Variants in PRB2 observed in about 807,000 individuals in gnomAD.
PRB2 encodes the protein basic salivary proline-rich protein 2.
A neutral mutation model predicts 8.3 loss-of-function variants in PRB2; 12 were observed. The ratio of observed to expected loss-of-function variants is 1.45; its 90% CI spans 0.93 to 2.35. PRB2 has a LOEUF of 2.35. Among genes scored for constraint, PRB2 ranks in the 30% most tolerant of loss-of-function variants. The pLI, the probability that PRB2 is intolerant of heterozygous loss-of-function variation, is 0.00. For synonymous variants in PRB2, 146 were observed against 180.0 expected (o/e 0.81, Z 1.51); for missense variants, 470 against 507.0 (o/e 0.93, Z 0.70).
intron 3 of PRB2, 42 bp from the exon 4 acceptor site, chr12:11,391,690 A>C (rs113580100): frequency 7.2e-6 from 3 of 415,884 alleles, no homozygotes; most frequent in Non-Finnish European, 1.4e-5. Flanking sequence ...CAGACTTGAC[A>C]TGGCAGGAAA....
Position 11,392,985 on chromosome 12 carries a change from T to A in PRB2, c.1093A>T (p.Lys365Ter), listed in dbSNP as rs200138685. 2.2e-4 allele frequency: 352 copies of A among 1,612,650 alleles called. 3 individuals carry two copies. The African/African-American group carries it at 3.7e-3, about 17-fold the overall frequency. Reference protein sequence around the residue: ...KSRSARSPPGKPQGPPQQEGN... With the variant: ...KSRSARSPPG ...TCTTGTTGGGGTGGTCCTTGTGGCT[T>A]TCCTGGAGGAGATCGGGCACTTCGG... is the stretch of plus-strand genomic sequence containing the variant. The change falls in exon 3 of 4, where the codon AAG (lysine) becomes TAG (stop). Residue 365 changes from lysine (K) to a stop codon, truncating the protein, a stop_gained. Coordinates refer to ENST00000389362, the MANE Select transcript of PRB2 (RefSeq NM_006248.4). LOFTEE classifies it low-confidence loss of function (END_TRUNC).
At chr12:11,394,246 C>G (rs1166376568) in intron 2 of PRB2, among the ~76,000 whole-genome samples, 2 of 152,130 alleles carry the variant, frequency 1.3e-5, no homozygotes, top group African/African-American at 2.4e-5. Context: ...TCCCAGCAGG[C>G]ACTCCTGGCC....
chr12:11,391,798 T>G, intron 3 of PRB2, 150 bp from the exon 4 acceptor site: 1 of 225,944 alleles, frequency 4.4e-6, no homozygotes, highest in South Asian at 5.3e-5. Flanking sequence ...CCCTAATTTT[T>G]TGTGTGTTCA....
intron 2 of PRB2, among the ~76,000 whole-genome samples, chr12:11,394,276 C>T (rs1864373013): frequency 6.6e-6 from 1 of 152,156 alleles, no homozygotes; most frequent in Admixed American, 6.5e-5. Flanking sequence ...AGGTAACCCA[C>T]TCCTGCTGTC....
intron 1 of PRB2, among the ~76,000 whole-genome samples, chr12:11,394,802 A>C (rs149943781): frequency 0.019 from 2,911 of 152,108 alleles, 78 homozygotes; most frequent in African/African-American, 0.06. Context: ...TTAGTTCACA[A>C]ATGCCAGGTA....
chr12:11,391,985 A>G (rs1212722761), intron 3 of PRB2, among the ~76,000 whole-genome samples: 3 of 100,324 alleles, frequency 3.0e-5, no homozygotes, highest in African/African-American at 1.3e-4. Context: ...CTCAGTGTCC[A>G]GTGACACAGA....
In PRB2 at chr12:11,393,452, C is replaced by A; in HGVS notation, c.626G>T (p.Gly209Val). The change falls in exon 3 of 4, where the codon GGC (glycine) becomes GTC (valine). Residue 209 changes from glycine to valine, a missense_variant. This residue lies in a region of PRB2 where 37 missense variants were observed against 66.0 expected (regional missense o/e 0.56). Transcript: ENST00000389362. ...AGGTGGGGGACCTTGAGGTTTGTTG[C>A]CTCCTTGTGGGGGTGGTCCTTGTGG... ...GKPQGPPPQG[G>V]NKPQGPPPPG... 3.5e-6 allele frequency: 4 copies of A among 1,142,214 alleles called. No homozygotes were observed. In the East Asian group the frequency reaches 1.3e-4, roughly 37 times the overall value. 70.8% of individuals were successfully genotyped at this position (1,142,214 alleles called of 1,614,324 possible).
Position 11,393,641 on chromosome 12 carries a change from C to T in PRB2, c.437G>A (p.Gly146Glu), listed in dbSNP as rs776361906. 3.5e-5 allele frequency: 53 copies of T among 1,530,686 alleles called. No homozygotes were observed. The highest frequency in any genetic ancestry group is 4.2e-5 in the Non-Finnish European group (48 of 1,145,332). The allele number at this position is 1,530,686 out of a possible 1,614,324, so 94.8% of individuals were successfully genotyped here. Residue 146 changes from glycine to glutamate, a missense_variant, in exon 3 of 4, where the codon GGA (glycine) becomes GAA (glutamate). By Grantham distance (98) the Gly-to-Glu change is moderately conservative. Transcript: ENST00000389362. ...PGKPQGPPPQ[G>E]GNKPQGPPPP... ...TGGGGGACCTTGAGGTTTGTTGCCT[C>T]CTTGTGGGGGTGGTCCTTGTGGCTT...
intron 3 of PRB2, 70 bp from the exon 4 acceptor site, chr12:11,391,718 G>A (rs1864329093): frequency 2.5e-6 from 1 of 396,184 alleles, no homozygotes; most frequent in Non-Finnish European, 5.0e-6. Flanking sequence ...TTCCTCACTG[G>A]TCTTACTGCA....
chr12:11,393,616 TG>T lies in PRB2; in HGVS notation c.461del (p.Pro154HisfsTer277), dbSNP rs1864356571. ...GTGGTCCTTGTGGCTTTCCTGGAGG[TG>T]GGGGACCTTGAGGTTTGTTGCCTCC... is the stretch of plus-strand genomic sequence containing the variant. ...PQGGNKPQGP[P>X]PPGKPQGPPP... is the part of the protein sequence containing the mutation. On this transcript the variant is annotated frameshift_variant, in exon 3 of 4. Coordinates refer to ENST00000389362, the MANE Select transcript of PRB2 (RefSeq NM_006248.4). LOFTEE classifies it low-confidence loss of function (END_TRUNC). The T allele has an allele frequency of 7.4e-7, 1 of 1,356,556 alleles. No homozygotes were observed. Among genetic ancestry groups the T allele is most frequent in the Non-Finnish European group, 9.6e-7 (1 of 1,040,754 alleles). 84.0% of individuals were successfully genotyped at this position (1,356,556 alleles called of 1,614,324 possible).
At chr12:11,394,881 C>A (rs1454755982) in intron 1 of PRB2, among the ~76,000 whole-genome samples, 1 of 152,156 alleles carries the variant, frequency 6.6e-6, no homozygotes, top group Non-Finnish European at 1.5e-5. Context: ...TGTACACATG[C>A]TTTCTCAATT....
At chr12:11,395,254 C>T (rs1864391326) in intron 1 of PRB2, among the ~76,000 whole-genome samples, 1 of 152,012 alleles carries the variant, frequency 6.6e-6, no homozygotes, top group Admixed American at 6.6e-5. Context: ...CTTCTCATTC[C>T]CCTGGAACAA....
chr12:11,394,648 C>A (rs1249892812), intron 1 of PRB2, 118 bp from the exon 2 acceptor site: 25 of 1,287,078 alleles, frequency 1.9e-5, no homozygotes, highest in African/African-American at 2.9e-5. Context: ...TAAGTTAACT[C>A]ATCAGCCACC....
Position 11,392,901 on chromosome 12 carries a change from C to T in PRB2, c.1177G>A (p.Ala393Thr), listed in dbSNP as rs765310448. ...CCCTGGGGCTGTCCAGCAGGAGGTG[C>T]CTGAGGCTGCTGGGGATTGCCTCCT... Reference protein sequence around the residue: ...PAGGNPQQPQAPPAGQPQGPP... With the variant: ...PAGGNPQQPQTPPAGQPQGPP... Residue 393 changes from alanine to threonine, a missense_variant, in exon 3 of 4, where the codon GCA (alanine) becomes ACA (threonine). Physicochemically the swap from Ala to Thr is moderately conservative, Grantham distance 58. This residue lies in a region of PRB2 where 17 missense variants were observed against 38.3 expected (regional missense o/e 0.44). Coordinates refer to ENST00000389362, the MANE Select transcript of PRB2 (RefSeq NM_006248.4). 6.9e-6 allele frequency: 11 copies of T among 1,601,080 alleles called. No homozygotes were observed. In the East Asian group the frequency reaches 9.0e-5, roughly 13 times the overall value.
chr12:11,394,813 C>T (rs1468404880), intron 1 of PRB2, among the ~76,000 whole-genome samples: 1 of 152,134 alleles, frequency 6.6e-6, no homozygotes, highest in Non-Finnish European at 1.5e-5. Context: ...ATGCCAGGTA[C>T]TTCAATGTGA....
intron 2 of PRB2, 131 bp from the exon 3 acceptor site, chr12:11,394,108 T>C: frequency 7.7e-7 from 1 of 1,295,504 alleles, no homozygotes; most frequent in South Asian, 1.3e-5. Context: ...GACCAAGACA[T>C]TAATTTCTTT....
At chr12:11,395,214 C>A (rs1415928310) in intron 1 of PRB2, among the ~76,000 whole-genome samples, 1 of 151,808 alleles carries the variant, frequency 6.6e-6, no homozygotes, top group Non-Finnish European at 1.5e-5. Context: ...TCCTTCACAG[C>A]ACAGTTCTAT....
In PRB2 at chr12:11,392,950, A is replaced by C. The variant is rs769584177; in HGVS notation, c.1128T>G (p.Asn376Lys). ...PQGPPQQEGN[N>K]PQGPPPPAGG... ...CTGCTGGAGGTGGGGGACCTTGAGG[A>C]TTGTTGCCTTCTTGTTGGGGTGGTC... is the stretch of plus-strand genomic sequence containing the variant. The change falls in exon 3 of 4, where the codon AAT becomes AAG. Residue 376 changes from asparagine (N) to lysine (K), a missense_variant. Asn to Lys is a moderately conservative substitution (Grantham distance 94). Around this residue, in one of 4 missense-constraint regions of PRB2, gnomAD observed 205 missense variants for 195.0 expected, o/e 1.05. Transcript: ENST00000389362. 71 of 1,603,730 alleles carry C rather than the reference A, an allele frequency of 4.4e-5. No individual in the cohort carries two copies. Among genetic ancestry groups the C allele is most frequent in the Admixed American group, 3.0e-4 (18 of 59,076 alleles).
chr12:11,394,287 A>T (rs1037884372), intron 2 of PRB2, among the ~76,000 whole-genome samples: 2 of 152,152 alleles, frequency 1.3e-5, no homozygotes, highest in African/African-American at 2.4e-5. Flanking sequence ...TCCTGCTGTC[A>T]TCTAAGCCAA....
Sources: gnomAD v4.1 joint callset for allele counts (sites outside exome capture counted in the v4.1 genomes callset) on GRCh38, gnomAD v4.1.1 for gene constraint, gnomAD v4.1.1 regional missense constraint, MANE v1.5 for transcripts, NCBI Gene and HGNC (gene_info 2026-07-23, HGNC 2026-07-21) for gene names.